PHLDB1: variants seen among roughly 807,000 people sequenced by gnomAD.
The protein encoded by PHLDB1 is pleckstrin homology-like domain family B member 1.
In PHLDB1, 65 loss-of-function variants were observed where a neutral mutation model predicts 139.3. The observed-to-expected ratio is 0.47, with a 90% CI of 0.38 to 0.57. The LOEUF (loss-of-function observed/expected upper bound fraction) is 0.57, where lower values mean the gene tolerates loss of function less well. Among genes scored for constraint, PHLDB1 ranks in the 20% least tolerant of loss-of-function variants. The pLI, the probability that PHLDB1 is intolerant of heterozygous loss-of-function variation, is 0.00. For missense variants in PHLDB1, 1,624 were observed against 1,839.7 expected (o/e 0.88, Z 2.14); for synonymous variants, 679 against 734.5 (o/e 0.92, Z 1.22).
In PHLDB1 at chr11:118,632,381, T is replaced by C; in HGVS notation, c.2379+85T>C. Reference sequence around the variant, plus strand: ...ATGTCTTCTCTGGGGCCCTGTACCCTTCACCTCATCATCCATTCTGCAGTA... The same window carrying C: ...ATGTCTTCTCTGGGGCCCTGTACCCCTCACCTCATCATCCATTCTGCAGTA... On this transcript the variant is annotated intron_variant, in intron 9 of 22. Transcript: ENST00000600882. The surrounding 1 kb of genome is among the most constrained non-coding windows in gnomAD (Gnocchi z 5.9). 7.5e-7 allele frequency: 1 copy of C among 1,341,588 alleles called. No homozygotes were observed. Among genetic ancestry groups the C allele is most frequent in the Non-Finnish European group, 1.1e-6 (1 of 950,140 alleles). 83.1% of individuals were successfully genotyped at this position (1,341,588 alleles called of 1,614,324 possible).
intron 3 of PHLDB1, 66 bp downstream of exon 3, chr11:118,614,748 C>T (rs782604595): frequency 3.0e-5 from 46 of 1,529,324 alleles, no homozygotes; most frequent in Admixed American, 1.2e-4. Context: ...GCCCTGGAGG[C>T]CCACCTCCTG....
intron 4 of PHLDB1, among the ~76,000 whole-genome samples, chr11:118,623,624 C>T (rs1210003292): frequency 6.6e-6 from 1 of 152,144 alleles, no homozygotes; most frequent in Non-Finnish European, 1.5e-5. Context: ...TGGTCGCTCC[C>T]TAGACTTGCA....
intron 13 of PHLDB1, among the ~76,000 whole-genome samples, chr11:118,643,153 G>C (rs1946859343): frequency 6.6e-6 from 1 of 152,230 alleles, no homozygotes; most frequent in Non-Finnish European, 1.5e-5. Context: ...CAGCTGGTTA[G>C]AGATTTTAAC....
chr11:118,627,781 G>A lies in PHLDB1; in HGVS notation c.958G>A (p.Glu320Lys), dbSNP rs782755695. Residue 320 changes from glutamate (E) to lysine (K), a missense_variant, in exon 6 of 23, where the codon GAG (glutamate) becomes AAG (lysine). Transcript: ENST00000600882. ...SPRLSRKGGHERPPSPGLRGL... is the reference protein window; with the variant it reads ...SPRLSRKGGHKRPPSPGLRGL... ...TCGGCTGAGCAGGAAAGGGGGCCAT[G>A]AGAGGCCTCCCAGCCCTGGCCTCCG... is the stretch of plus-strand genomic sequence containing the variant. The A allele has an allele frequency of 1.9e-6, 3 of 1,605,934 alleles. No homozygotes were observed. In the Admixed American group the frequency reaches 5.0e-5, roughly 27 times the overall value.
At position 118,639,157 on chromosome 11, in the gene PHLDB1, C is replaced by T. The variant is rs371264417; in HGVS notation, c.2647-5C>T. The T allele has an allele frequency of 1.5e-5, 25 of 1,613,702 alleles. No individual in the cohort carries two copies. Among genetic ancestry groups the T allele is most frequent in the South Asian group, 3.3e-5 (3 of 91,064 alleles). On this transcript the variant is annotated splice_polypyrimidine_tract_variant and splice_region_variant and intron_variant, in intron 11 of 22. Coordinates refer to ENST00000600882, the MANE Select transcript of PHLDB1 (RefSeq NM_001144758.3). The stretch of plus-strand genomic sequence containing the variant: ...CTCTTTGACTCTGCCATTCTGGGCT[C>T]GCAGGAGAAGGAGAAGCTGACTGTG...
rs1945017353 is a variant in PHLDB1, at chr11:118,632,856, A to G, written c.2379+560A>G. The G allele has an allele frequency of 3.0e-6, 3 of 984,788 alleles. No homozygotes were observed. The highest frequency in any genetic ancestry group is 3.6e-6 in the Non-Finnish European group (3 of 829,330). The allele number at this position is 984,788 out of a possible 1,614,324, so 61.0% of individuals were successfully genotyped here. A position where few individuals can be genotyped will look rare whatever the true frequency, so the allele number is the denominator to read the frequency against. ...ACTCCCAGATGCCCAACACCGTGCC[A>G]AAAGCTCTGAAGTGGAGAGGGGTCA... On this transcript the variant is annotated intron_variant, in intron 9 of 22. Transcript: ENST00000600882. This position sits in a 1 kb window ranked among gnomAD's most constrained non-coding sequence, Gnocchi z 5.9.
Position 118,642,314 on chromosome 11 carries a change from G to A in PHLDB1, c.2797G>A (p.Gly933Arg), listed in dbSNP as rs782651872. Reference protein sequence around the residue: ...LEQWYQELMAGLGTGPAAASP... With the variant: ...LEQWYQELMARLGTGPAAASP... ...GCAGTGGTACCAGGAGCTGATGGCCGGGCTGGGGACTGGCCCCGCTGCAGC... is the reference window on the plus strand; with the variant it reads ...GCAGTGGTACCAGGAGCTGATGGCCAGGCTGGGGACTGGCCCCGCTGCAGC... Residue 933 changes from glycine to arginine, a missense_variant, in exon 13 of 23, where the codon GGG becomes AGG. By Grantham distance (125) the Gly-to-Arg change is moderately radical. Transcript: ENST00000600882. The A allele has an allele frequency of 5.6e-6, 9 of 1,612,498 alleles. No homozygotes were observed. The highest frequency in any genetic ancestry group is 7.6e-6 in the Non-Finnish European group (9 of 1,179,748).
rs1475713489 is a variant in PHLDB1, at chr11:118,632,024, GAGC to G, written c.2219_2221del (p.Gln740del). 6.2e-7 allele frequency: 1 copy of G among 1,613,994 alleles called. No homozygotes were observed. The highest frequency in any genetic ancestry group is 8.5e-7 in the Non-Finnish European group (1 of 1,179,990). On this transcript the variant is annotated inframe_deletion, in exon 8 of 23. Transcript: ENST00000600882. This position sits in a 1 kb window ranked among gnomAD's most constrained non-coding sequence, Gnocchi z 5.9. Reference sequence around the variant, plus strand: ...GCTCAAGGTCCGTGTGAAGGAGCTAGAGCAGCAGCTGCAGGAGTCAGCCCGAGA... The same window carrying G: ...GCTCAAGGTCCGTGTGAAGGAGCTAGAGCAGCTGCAGGAGTCAGCCCGAGA...
rs1173133051 is a variant in PHLDB1, at chr11:118,627,804, C to T, written c.981C>T (p.Leu327=). 1 of 1,604,542 alleles carries T rather than the reference C, an allele frequency of 6.2e-7. No homozygotes were observed. Among genetic ancestry groups the T allele is most frequent in the African/African-American group, 1.3e-5 (1 of 74,874 alleles). The change falls in exon 6 of 23, where the codon CTC becomes CTT. Residue 327 remains leucine (L), a synonymous_variant. Transcript: ENST00000600882. ...ATGAGAGGCCTCCCAGCCCTGGCCT[C>T]CGGGGTCTGCTGACAGACAGCCCTG... The part of the protein sequence containing the change: ...GGHERPPSPG[L]RGLLTDSPAA...
At chr11:118,637,956 T>C (rs1945920096) in intron 10 of PHLDB1, 1 of 152,246 alleles carries the variant, frequency 6.6e-6, no homozygotes, top group African/African-American at 2.4e-5. Flanking sequence ...GTAACAGATA[T>C]ATTCACAAAT....
chr11:118,614,786 C>T (rs1351350817), intron 3 of PHLDB1, 104 bp downstream of exon 3: 7 of 1,197,000 alleles, frequency 5.8e-6, no homozygotes, highest in African/African-American at 1.5e-5. Context: ...CTACTGTCTG[C>T]TGGTGCTCGC....
At chr11:118,624,077 T>C (rs1196586116) in intron 4 of PHLDB1, 1 of 152,130 alleles carries the variant, frequency 6.6e-6, no homozygotes, top group Admixed American at 6.5e-5. Context: ...GTTTTGTATT[T>C]TGAGTAGAGA....
rs1555106337 is a variant in PHLDB1 at position 118,628,413 on chromosome 11, CA to C, written c.1592del (p.Lys531ArgfsTer8). ...CACTGGGTGAGTCTCTGGCACCCCA[CA>C]AGGGCAGCTTCAGTGGCAGGCTGAG... is the stretch of plus-strand genomic sequence containing the variant. ...PTLGESLAPH[K>X]GSFSGRLSPA... is the part of the protein sequence containing the mutation. On this transcript the variant is annotated frameshift_variant, in exon 6 of 23. Transcript: ENST00000600882. LOFTEE classifies it high-confidence loss of function. 1.2e-6 allele frequency: 2 copies of C among 1,611,188 alleles called. No homozygotes were observed. Among genetic ancestry groups the C allele is most frequent in the Admixed American group, 1.7e-5 (1 of 59,458 alleles).
In PHLDB1 at chr11:118,650,835, C is replaced by CTT; in HGVS notation, c.3874+289_3874+290dup. 4 of 453,902 alleles carry CTT rather than the reference C, an allele frequency of 8.8e-6. No individual in the cohort carries two copies. The highest frequency in any genetic ancestry group is 5.2e-5 in the South Asian group (2 of 38,714). The allele number at this position is 453,902 out of a possible 1,614,324, so 28.1% of individuals were successfully genotyped here. On this transcript the variant is annotated intron_variant, in intron 20 of 22. Coordinates refer to ENST00000600882, the MANE Select transcript of PHLDB1 (RefSeq NM_001144758.3). This position sits in a 1 kb window ranked among gnomAD's most constrained non-coding sequence, Gnocchi z 4.7. ...AGATGGCCACAGCGCTCTCATGGAG[C>CTT]TTATAATCAGGGAAGCAGACAAGAG...
chr11:118,656,744 C>T lies in PHLDB1; in HGVS notation c.4055C>T (p.Ala1352Val). ...CATGACCGGCTGTACTACATGGTGG[C>T]CCCATCTGCAGAGGCCATGCGTATC... ...KTHDRLYYMV[A>V]PSAEAMRIWM... Residue 1352 changes from alanine to valine, a missense_variant, in exon 23 of 23, where the codon GCC (alanine) becomes GTC (valine). Ala to Val is a moderately conservative substitution (Grantham distance 64, BLOSUM62 0). Transcript: ENST00000600882. 1 of 1,613,774 alleles carries T rather than the reference C, an allele frequency of 6.2e-7. No homozygotes were observed.
rs1939574961 is a variant in PHLDB1 at position 118,608,734 on chromosome 11, C to A, written c.-22+1035C>A. On this transcript the variant is annotated intron_variant, in intron 1 of 22. Transcript: ENST00000600882. This position sits in a 1 kb window ranked among gnomAD's most constrained non-coding sequence, Gnocchi z 6.7. The stretch of plus-strand genomic sequence containing the variant: ...TCCGCGACACTTCGCACACCTACGT[C>A]CCTGCGTCACGCCACCCAGACACAC... 6.6e-6 allele frequency among the ~76,000 whole-genome samples: 1 copy of A among 152,176 alleles called. No individual in the cohort carries two copies. Among genetic ancestry groups the A allele is most frequent in the Admixed American group, 6.5e-5 (1 of 15,286 alleles).
intron 20 of PHLDB1, chr11:118,654,098 G>A (rs1591796832): frequency 2.6e-5 from 4 of 152,326 alleles, no homozygotes; most frequent in East Asian, 1.9e-4. Flanking sequence ...AGGAGCACTC[G>A]GGAAGGAACT....
In PHLDB1 at chr11:118,628,708, G is replaced by C. The variant is rs529007909; in HGVS notation, c.1827+58G>C. On this transcript the variant is annotated intron_variant, in intron 6 of 22. Transcript: ENST00000600882. The stretch of plus-strand genomic sequence containing the variant: ...CATGGCAGAGTCTCTGCCAGGGCTC[G>C]AGCAGGCCAGCTGGCAGAGCAGGAG... 86 of 1,512,762 alleles carry C rather than the reference G, an allele frequency of 5.7e-5. No individual in the cohort carries two copies. The African/African-American group carries it at 8.9e-4, about 16-fold the overall frequency. The allele number at this position is 1,512,762 out of a possible 1,614,324, so 93.7% of individuals were successfully genotyped here. A position where few individuals can be genotyped will look rare whatever the true frequency, so the allele number is the denominator to read the frequency against.
Position 118,631,554 on chromosome 11 carries a change from A to G in PHLDB1, c.2100+75A>G, listed in dbSNP as rs565067642. On this transcript the variant is annotated intron_variant, in intron 7 of 22. Coordinates refer to ENST00000600882, the MANE Select transcript of PHLDB1 (RefSeq NM_001144758.3). The stretch of plus-strand genomic sequence containing the variant: ...GGGGCAGAGGAGGCTGGTGTATCCA[A>G]TGCCAAGGTCCAGTGAGGGGAAGGA... The G allele has an allele frequency of 4.0e-6, 5 of 1,244,714 alleles. No individual in the cohort carries two copies. In the African/African-American group the frequency reaches 7.6e-5, roughly 19 times the overall value. The allele number at this position is 1,244,714 out of a possible 1,614,324, so 77.1% of individuals were successfully genotyped here. A position where few individuals can be genotyped will look rare whatever the true frequency, so the allele number is the denominator to read the frequency against.
Sources: allele counts gnomAD v4.1 joint callset (sites outside exome capture counted in the v4.1 genomes callset), GRCh38; gene constraint gnomAD v4.1.1; non-coding constraint Gnocchi (gnomAD v3.1); transcripts MANE v1.5; gene names NCBI Gene and HGNC (gene_info 2026-07-23, HGNC 2026-07-21).